The following CYTH3 variants were observed in gnomAD, a reference collection of about 807,000 sequenced individuals.
CYTH3 encodes cytohesin-3.
A neutral mutation model predicts 55.1 loss-of-function variants in CYTH3; 23 were observed. The ratio of observed to expected loss-of-function variants is 0.42; its 90% CI spans 0.30 to 0.59. The LOEUF is 0.59. Among genes scored for constraint, CYTH3 ranks in the 20% least tolerant of loss-of-function variants. CYTH3 has a pLI of 0.20. For synonymous variants in CYTH3, 249 were observed against 194.9 expected, an observed-to-expected ratio of 1.28 and a Z score of -2.31; for missense variants, 413 against 524.8, an observed-to-expected ratio of 0.79 and a Z score of 2.08.
At chr7:6,214,690 T>A (rs1784389362) in intron 1 of CYTH3, among the ~76,000 whole-genome samples, 1 of 152,118 alleles carries the variant, frequency 6.6e-6, no homozygotes, top group Admixed American at 6.5e-5. Context: ...TAAGCAAAAA[T>A]AACTTGCTAG....
chr7:6,231,699 G>C (rs538968606), intron 1 of CYTH3, among the ~76,000 whole-genome samples: 38 of 152,298 alleles, frequency 2.5e-4, no homozygotes, highest in African/African-American at 8.2e-4. Context: ...TCAATTCATA[G>C]AAACAAATAA....
intron 4 of CYTH3, among the ~76,000 whole-genome samples, chr7:6,180,469 G>A (rs868162312): frequency 5.3e-5 from 8 of 152,236 alleles, no homozygotes; most frequent in Admixed American, 3.3e-4. Flanking sequence ...CCACAGTGAG[G>A]TGCCCACGGC....
At chr7:6,181,695 TTCCTC>T (rs1333558869) in intron 4 of CYTH3, among the ~76,000 whole-genome samples, 1 of 152,208 alleles carries the variant, frequency 6.6e-6, no homozygotes, top group Non-Finnish European at 1.5e-5. Context: ...TTTGAAATAT[TTCCTC>T]TCCTCCACTT....
At chr7:6,261,157 G>A (rs183671194) in intron 1 of CYTH3, among the ~76,000 whole-genome samples, 20 of 152,248 alleles carry the variant, frequency 1.3e-4, no homozygotes, top group African/African-American at 4.6e-4. Flanking sequence ...CCCAATCACC[G>A]GGGCCCCTTT....
In CYTH3 at chr7:6,170,687, G is replaced by A. The variant is rs775799546; in HGVS notation, c.712-41C>T. 1.3e-6 allele frequency: 2 copies of A among 1,597,532 alleles called. No individual in the cohort carries two copies. The highest frequency in any genetic ancestry group is 8.5e-7 in the Non-Finnish European group (1 of 1,170,722). On this transcript the variant is annotated intron_variant, in intron 8 of 12. Transcript: ENST00000350796. The surrounding 1 kb of genome is among the most constrained non-coding windows in gnomAD (Gnocchi z 7.8). ...ACAGCAGCCAGTTCAGAGACTCGGA[G>A]GAAAATGGCTGGCCGGGCAGAAAGC...
chr7:6,174,635 C>A (rs1783294227), intron 5 of CYTH3, among the ~76,000 whole-genome samples: 1 of 151,176 alleles, frequency 6.6e-6, no homozygotes, highest in Non-Finnish European at 1.5e-5. Flanking sequence ...GCAACCTCCA[C>A]CTCCTGGGTT....
At chr7:6,259,790 T>C (rs1449858958) in intron 1 of CYTH3, among the ~76,000 whole-genome samples, 13 of 14,988 alleles carry the variant, frequency 8.7e-4, no homozygotes, top group Admixed American at 5.2e-3. Flanking sequence ...ATATAATATA[T>C]ATATATATAT....
chr7:6,196,078 AAAC>A (rs1221318157), intron 1 of CYTH3, among the ~76,000 whole-genome samples: 1 of 152,200 alleles, frequency 6.6e-6, no homozygotes, highest in Non-Finnish European at 1.5e-5. Flanking sequence ...CCAGCAACTG[AAAC>A]TACATGCTTC....
rs900109153 is a variant in CYTH3 at position 6,265,177 on chromosome 7, G to C, written c.34+7297C>G. Among the ~76,000 whole-genome samples the C allele has an allele frequency of 2.0e-5, 3 of 152,062 alleles. No individual in the cohort carries two copies. In the East Asian group the frequency reaches 5.8e-4, roughly 29 times the overall value. ...AGACAATGTCAAAGAGATAGCAGGG[G>C]ACTAGAGTAGTAGTCAAGGGCAGTC... is the stretch of plus-strand genomic sequence containing the variant. On this transcript the variant is annotated intron_variant, in intron 1 of 12. Coordinates refer to ENST00000350796, the MANE Select transcript of CYTH3 (RefSeq NM_004227.4).
At chr7:6,259,772 TTA>T (rs1491415628) in intron 1 of CYTH3, among the ~76,000 whole-genome samples, 2 of 30,496 alleles carry the variant, frequency 6.6e-5, no homozygotes, top group Non-Finnish European at 9.1e-5. Context: ...TATATATATA[TTA>T]TATATATATA....
intron 4 of CYTH3, among the ~76,000 whole-genome samples, chr7:6,182,661 C>G (rs1783532429): frequency 6.6e-6 from 1 of 152,168 alleles, no homozygotes; most frequent in South Asian, 2.1e-4. Flanking sequence ...TGCATACCAC[C>G]ATGCCTGGCT....
chr7:6,217,318 C>G (rs1193549083), intron 1 of CYTH3, among the ~76,000 whole-genome samples: 1 of 152,160 alleles, frequency 6.6e-6, no homozygotes, highest in East Asian at 1.9e-4. Context: ...ATGCTGTCTA[C>G]AAAAAACTCA....
intron 1 of CYTH3, among the ~76,000 whole-genome samples, chr7:6,209,538 A>C (rs1784277122): frequency 6.6e-6 from 1 of 152,326 alleles, no homozygotes; most frequent in South Asian, 2.1e-4. Flanking sequence ...ATTTGAGGAC[A>C]CTTTGGAAGA....
intron 4 of CYTH3, among the ~76,000 whole-genome samples, chr7:6,183,592 G>A (rs1273665262): frequency 1.3e-5 from 2 of 152,146 alleles, no homozygotes; most frequent in African/African-American, 4.8e-5. Context: ...CATCCTAGCT[G>A]GAAGGAATTT....
At chr7:6,215,378 C>T (rs549065866) in intron 1 of CYTH3, among the ~76,000 whole-genome samples, 31 of 152,210 alleles carry the variant, frequency 2.0e-4, no homozygotes, top group South Asian at 1.7e-3. Flanking sequence ...ATCACGAGGT[C>T]AGGAGATCAA....
chr7:6,270,171 T>C (rs989256506), intron 1 of CYTH3, among the ~76,000 whole-genome samples: 5 of 152,192 alleles, frequency 3.3e-5, no homozygotes, highest in Non-Finnish European at 7.4e-5. Context: ...CAGCCAAGAG[T>C]TAAATGTAAG....
intron 1 of CYTH3, among the ~76,000 whole-genome samples, chr7:6,251,422 C>G (rs1018078034): frequency 1.8e-4 from 27 of 150,310 alleles, no homozygotes; most frequent in African/African-American, 6.6e-4. Flanking sequence ...AAAAGCGTTT[C>G]TTTCAGTGGG....
At chr7:6,221,891 G>T (rs1045331202) in intron 1 of CYTH3, among the ~76,000 whole-genome samples, 7 of 152,188 alleles carry the variant, frequency 4.6e-5, no homozygotes, top group African/African-American at 1.4e-4. Context: ...ATCCGAGGCT[G>T]CAGTGAGCTA....
intron 1 of CYTH3, among the ~76,000 whole-genome samples, chr7:6,211,410 A>G (rs1784316716): frequency 6.6e-6 from 1 of 152,376 alleles, no homozygotes; most frequent in Non-Finnish European, 1.5e-5. Context: ...TCCTGGCTCT[A>G]CCACTTCATT....
Sources: gnomAD v4.1 joint callset for allele counts (sites outside exome capture counted in the v4.1 genomes callset) on GRCh38, gnomAD v4.1.1 for gene constraint, Gnocchi (gnomAD v3.1) non-coding constraint, MANE v1.5 for transcripts, NCBI Gene and HGNC (gene_info 2026-07-23, HGNC 2026-07-21) for gene names.